Variants in CSMD1 observed in about 807,000 individuals in gnomAD.
The protein encoded by CSMD1 is CUB and Sushi multiple domains 1, also known as CUB and sushi domain-containing protein 1.
A neutral mutation model predicts 417.5 loss-of-function variants in CSMD1; 213 were observed. The observed-to-expected ratio is 0.51, with a 90% CI of 0.46 to 0.57. The LOEUF (loss-of-function observed/expected upper bound fraction) is 0.57. CSMD1 is among the 20% of genes least tolerant of loss of function. The pLI, the probability that CSMD1 is intolerant of heterozygous loss-of-function variation, is 0.00. For synonymous variants in CSMD1, 2,862 were observed against 1,736.8 expected (o/e 1.65, Z -16.11); for missense variants, 6,923 against 4,529.7 (o/e 1.53, Z -15.17).
intron 2 of CSMD1, among the ~76,000 whole-genome samples, chr8:4,598,463 A>G (rs1176593564): frequency 6.6e-6 from 1 of 152,190 alleles, no homozygotes; most frequent in African/African-American, 2.4e-5. Context: ...TTATTTTATT[A>G]GTGATGGTGG....
intron 37 of CSMD1, among the ~76,000 whole-genome samples, chr8:3,179,708 G>C (rs1346999730): frequency 6.6e-6 from 1 of 152,128 alleles, no homozygotes; most frequent in Non-Finnish European, 1.5e-5. Flanking sequence ...AAAACTATTA[G>C]TGAATTTTTA....
chr8:3,235,617 T>C (rs191279344), intron 26 of CSMD1, among the ~76,000 whole-genome samples: 5 of 152,326 alleles, frequency 3.3e-5, no homozygotes, highest in Non-Finnish European at 7.4e-5. Context: ...ATTGTCATCA[T>C]AGAGCACAGT....
chr8:4,607,809 T>C (rs1022070367), intron 2 of CSMD1, among the ~76,000 whole-genome samples: 12 of 152,192 alleles, frequency 7.9e-5, no homozygotes, highest in African/African-American at 2.9e-4. Context: ...GTGTGTACTT[T>C]TCCCTTTGCA....
At chr8:3,523,749 A>G (rs1036576611) in intron 10 of CSMD1, among the ~76,000 whole-genome samples, 4 of 151,478 alleles carry the variant, frequency 2.6e-5, no homozygotes, top group Non-Finnish European at 5.9e-5. Context: ...ACATGCATAC[A>G]CATGCACACA....
chr8:3,615,012 T>C (rs753005501), intron 8 of CSMD1, among the ~76,000 whole-genome samples: 2 of 152,196 alleles, frequency 1.3e-5, no homozygotes, highest in Non-Finnish European at 2.9e-5. Flanking sequence ...CTTGGAAGAA[T>C]GGGCAATTTT....
chr8:4,032,540 C>T (rs73658537), intron 3 of CSMD1, among the ~76,000 whole-genome samples: 9,317 of 152,158 alleles, frequency 0.061, 752 homozygotes, highest in African/African-American at 0.18. Context: ...TTTATGCTTC[C>T]ACGACTGGTA....
chr8:3,509,103 T>C (rs994814182), intron 10 of CSMD1, among the ~76,000 whole-genome samples: 1 of 152,164 alleles, frequency 6.6e-6, no homozygotes, highest in African/African-American at 2.4e-5. Flanking sequence ...AATTAATGCG[T>C]GCTCAGTAGG....
At chr8:4,087,226 G>T (rs17068870) in intron 3 of CSMD1, among the ~76,000 whole-genome samples, 2 of 152,170 alleles carry the variant, frequency 1.3e-5, no homozygotes, top group African/African-American at 4.8e-5. Flanking sequence ...AGCTCCCAAG[G>T]AACGGCTAAG....
chr8:3,667,624 C>A (rs1045556756), intron 7 of CSMD1, among the ~76,000 whole-genome samples: 5 of 151,950 alleles, frequency 3.3e-5, no homozygotes, highest in African/African-American at 1.2e-4. Flanking sequence ...GAGTCCTCCT[C>A]CTTATTTGGG....
intron 21 of CSMD1, among the ~76,000 whole-genome samples, chr8:3,350,847 AT>A (rs546469336): frequency 6.1e-5 from 9 of 146,966 alleles, no homozygotes; most frequent in Admixed American, 5.4e-4. Flanking sequence ...GGAATCTGGG[AT>A]TTTTTTTAAA....
chr8:3,831,756 G>C (rs773616885), intron 5 of CSMD1, among the ~76,000 whole-genome samples: 1 of 152,152 alleles, frequency 6.6e-6, no homozygotes, highest in African/African-American at 2.4e-5. Flanking sequence ...CGGATGGGTA[G>C]CACAACACAT....
In CSMD1 at chr8:4,972,301, A is replaced by G. The variant is rs577933868; in HGVS notation, c.85+22031T>C. Among the ~76,000 whole-genome samples the G allele has an allele frequency of 1.1e-4, 16 of 149,894 alleles. No individual in the cohort carries two copies. In the South Asian group the frequency reaches 3.3e-3, roughly 31 times the overall value. Reference sequence around the variant, plus strand: ...GTCACCACCAAAAATTTCATCTTGAATTGTAATCCCCTACTCCCGATAATC... The same window carrying G: ...GTCACCACCAAAAATTTCATCTTGAGTTGTAATCCCCTACTCCCGATAATC... On this transcript the variant is annotated intron_variant, in intron 1 of 69. Coordinates refer to ENST00000635120, the MANE Select transcript of CSMD1 (RefSeq NM_033225.6).
chr8:3,315,437 A>AGTGTGT (rs35460301), intron 23 of CSMD1, among the ~76,000 whole-genome samples: 9,476 of 123,980 alleles, frequency 0.076, 667 homozygotes, highest in African/African-American at 0.19. Flanking sequence ...AGGTGAAGTG[A>AGTGTGT]GTGTGTGTGT....
At chr8:4,295,591 TTAAGATTATATATAATCC>T (rs1439444613) in intron 3 of CSMD1, among the ~76,000 whole-genome samples, 8 of 145,134 alleles carry the variant, frequency 5.5e-5, no homozygotes, top group African/African-American at 1.5e-4. Flanking sequence ...TATTAAGGGC[TTAAGATTATATATAATCC>T]TAAGATTATA....
At chr8:4,092,090 C>G (rs187875561) in intron 3 of CSMD1, among the ~76,000 whole-genome samples, 1 of 152,018 alleles carries the variant, frequency 6.6e-6, no homozygotes, top group Admixed American at 6.6e-5. Context: ...TTAAGAGGGA[C>G]GTAATTCTGA....
At chr8:4,963,219 G>C (rs1809629604) in intron 1 of CSMD1, among the ~76,000 whole-genome samples, 1 of 152,048 alleles carries the variant, frequency 6.6e-6, no homozygotes, top group Non-Finnish European at 1.5e-5. Flanking sequence ...TATTTTATTT[G>C]AGATGGAGTC....
At chr8:3,675,925 G>T (rs1318018627) in intron 7 of CSMD1, among the ~76,000 whole-genome samples, 1 of 152,094 alleles carries the variant, frequency 6.6e-6, no homozygotes, top group Admixed American at 6.5e-5. Flanking sequence ...TCCCATCATT[G>T]GAGAGTAATG....
At chr8:4,092,920 A>G (rs1189159757) in intron 3 of CSMD1, among the ~76,000 whole-genome samples, 2 of 152,200 alleles carry the variant, frequency 1.3e-5, no homozygotes, top group East Asian at 3.9e-4. Flanking sequence ...TTTAATATTT[A>G]TTTCTCTGAA....
intron 3 of CSMD1, among the ~76,000 whole-genome samples, chr8:4,286,748 T>C (rs1454710764): frequency 2.0e-5 from 3 of 152,204 alleles, no homozygotes; most frequent in African/African-American, 7.2e-5. Context: ...ATCTGATGCT[T>C]GATAAATATT....
Sources: gnomAD v4.1 joint callset for allele counts (sites outside exome capture counted in the v4.1 genomes callset) on GRCh38, gnomAD v4.1.1 for gene constraint, MANE v1.5 for transcripts, NCBI Gene and HGNC (gene_info 2026-07-23, HGNC 2026-07-21) for gene names.